Variants in NHEJ1 observed in about 807,000 individuals in gnomAD.
NHEJ1 encodes non-homologous end joining factor 1.
In NHEJ1, 22 loss-of-function variants were observed where a neutral mutation model predicts 39.4. The observed-to-expected ratio is 0.56, with a 90% confidence interval of 0.40 to 0.80. The LOEUF is 0.80. Among genes scored for constraint, NHEJ1 ranks in the 30% least tolerant of loss-of-function variants. The pLI is 0.00. For missense variants in NHEJ1, 329 were observed against 357.1 expected (o/e 0.92, Z 0.63); for synonymous variants, 154 against 135.6 (o/e 1.14, Z -0.94).
At chr2:219,155,011 A>G (rs952486863) in intron 3 of NHEJ1, among the ~76,000 whole-genome samples, 1 of 148,850 alleles carries the variant, frequency 6.7e-6, no homozygotes, top group African/African-American at 2.4e-5. Context: ...TAGATATACT[A>G]TATAATTGTA....
chr2:219,154,344 C>T (rs1396484970), intron 3 of NHEJ1, among the ~76,000 whole-genome samples: 1 of 152,096 alleles, frequency 6.6e-6, no homozygotes, highest in Non-Finnish European at 1.5e-5. Context: ...TTTAAGAATT[C>T]ACAAGAAGCT....
chr2:219,116,830 G>T (rs1191404703), intron 5 of NHEJ1, among the ~76,000 whole-genome samples: 1 of 152,176 alleles, frequency 6.6e-6, no homozygotes, highest in Non-Finnish European at 1.5e-5. Flanking sequence ...AGTTTGATTG[G>T]GAGAGGCATG....
chr2:219,146,851 T>G, intron 4 of NHEJ1, 113 bp from the exon 5 acceptor site: 1 of 811,740 alleles, frequency 1.2e-6, no homozygotes, highest in Non-Finnish European at 2.1e-6. Context: ...AGGTGCATCA[T>G]GCAGAGACAC....
At chr2:219,144,996 C>G (rs763795516) in intron 5 of NHEJ1, among the ~76,000 whole-genome samples, 1 of 152,110 alleles carries the variant, frequency 6.6e-6, no homozygotes, top group Non-Finnish European at 1.5e-5. Flanking sequence ...GGGTGGATCA[C>G]TTGAGGCCAG....
chr2:219,135,171 C>G (rs1007974199), intron 5 of NHEJ1, among the ~76,000 whole-genome samples: 1 of 151,808 alleles, frequency 6.6e-6, no homozygotes, highest in South Asian at 2.1e-4. Context: ...AATTACCATA[C>G]TGTAACAAAT....
In NHEJ1 at chr2:219,157,800, G is replaced by C. The variant is rs1263029856; in HGVS notation, c.178-116C>G. The C allele has an allele frequency of 1.4e-5, 12 of 831,376 alleles. No individual in the cohort carries two copies. In the Admixed American group the frequency reaches 2.5e-4, roughly 17 times the overall value. 51.5% of individuals were successfully genotyped at this position (831,376 alleles called of 1,614,324 possible). A position where few individuals can be genotyped will look rare whatever the true frequency, so the allele number is the denominator to read the frequency against. ...AAGGCAATGGACATGAGAGGAAGGGGAGAGAAGATAAAAACATCACAAGGG... is the reference window on the plus strand; with the variant it reads ...AAGGCAATGGACATGAGAGGAAGGGCAGAGAAGATAAAAACATCACAAGGG... On this transcript the variant is annotated intron_variant, in intron 2 of 7. Coordinates refer to ENST00000356853, the MANE Select transcript of NHEJ1 (RefSeq NM_024782.3).
intron 5 of NHEJ1, among the ~76,000 whole-genome samples, chr2:219,134,092 CTTA>C (rs1298023294): frequency 6.6e-6 from 1 of 152,230 alleles, no homozygotes; most frequent in Admixed American, 6.5e-5. Flanking sequence ...TCTCCATTGC[CTTA>C]TCCATTGATC....
At chr2:219,160,167 A>C (rs1949917445) in intron 1 of NHEJ1, among the ~76,000 whole-genome samples, 1 of 152,110 alleles carries the variant, frequency 6.6e-6, no homozygotes, top group Admixed American at 6.5e-5. Context: ...ATCCCGGCGG[A>C]GGGGTCCCTT....
intron 5 of NHEJ1, among the ~76,000 whole-genome samples, chr2:219,096,817 C>G (rs1949212890): frequency 6.6e-6 from 1 of 152,056 alleles, no homozygotes; most frequent in African/African-American, 2.4e-5. Flanking sequence ...GAGATGAGGT[C>G]AGAAAGATTA....
intron 5 of NHEJ1, among the ~76,000 whole-genome samples, chr2:219,097,165 G>A (rs921141173): frequency 3.9e-5 from 6 of 152,176 alleles, no homozygotes; most frequent in African/African-American, 9.7e-5. Context: ...AAGCTATAAT[G>A]TTCTATAGGT....
At chr2:219,137,503 G>A (rs1186617381) in intron 5 of NHEJ1, among the ~76,000 whole-genome samples, 2 of 130,998 alleles carry the variant, frequency 1.5e-5, no homozygotes, top group African/African-American at 5.6e-5. Context: ...GTCCCCACTT[G>A]AGAATCACAG....
chr2:219,156,645 G>A (rs1949857845), intron 3 of NHEJ1, among the ~76,000 whole-genome samples: 1 of 152,188 alleles, frequency 6.6e-6, no homozygotes, highest in African/African-American at 2.4e-5. Context: ...TTATTCATAA[G>A]CTGATGGCTT....
chr2:219,073,560 G>A lies in NHEJ1; in HGVS notation c.*2821C>T, dbSNP rs1039927789. 1.3e-5 allele frequency among the ~76,000 whole-genome samples: 2 copies of A among 152,248 alleles called. No homozygotes were observed. Among genetic ancestry groups the A allele is most frequent in the Non-Finnish European group, 2.9e-5 (2 of 68,046 alleles). ...ATGGGGGACCAGCCGGCAAGGCCAA[G>A]TAGGCCTTGCAATCTAGGTGGCGCT... On this transcript the variant is annotated 3_prime_UTR_variant, in exon 8 of 8. Transcript: ENST00000356853.
chr2:219,132,412 C>T (rs2030451), intron 5 of NHEJ1, among the ~76,000 whole-genome samples: 76,251 of 152,040 alleles, frequency 0.5, 21,322 homozygotes, highest in Non-Finnish European at 0.63. Context: ...AAACAGAATG[C>T]AGTTGCCATC....
In NHEJ1 at chr2:219,077,115, G is replaced by A. The variant is rs1360362207; in HGVS notation, c.825+131C>T. On this transcript the variant is annotated intron_variant, in intron 7 of 7. Transcript: ENST00000356853. ...TCTCCATCTAGACACCTACAATTTGGAGCCTGGTCACAAATATCCCTCAAT... is the reference window on the plus strand; with the variant it reads ...TCTCCATCTAGACACCTACAATTTGAAGCCTGGTCACAAATATCCCTCAAT... The A allele has an allele frequency of 1.1e-5, 8 of 736,600 alleles. No individual in the cohort carries two copies. In the Admixed American group the frequency reaches 1.4e-4, roughly 13 times the overall value. 45.6% of individuals were successfully genotyped at this position (736,600 alleles called of 1,614,324 possible).
chr2:219,147,482 C>T (rs1247266581), intron 4 of NHEJ1, among the ~76,000 whole-genome samples, 175 bp downstream of exon 4: 1 of 152,110 alleles, frequency 6.6e-6, no homozygotes, highest in African/African-American at 2.4e-5. Context: ...ACTCCGTCTC[C>T]AAAACAAACA....
chr2:219,088,268 C>A (rs1392039476), intron 5 of NHEJ1, among the ~76,000 whole-genome samples: 1 of 152,150 alleles, frequency 6.6e-6, no homozygotes, highest in African/African-American at 2.4e-5. Context: ...TATAGCTTTA[C>A]AATAAAATAT....
intron 5 of NHEJ1, among the ~76,000 whole-genome samples, chr2:219,080,620 TATATGCTA>T (rs1371536181): frequency 1.7e-5 from 2 of 119,122 alleles, no homozygotes; most frequent in East Asian, 5.2e-4. Context: ...TAAGCTTATA[TATATGCTA>T]ATATATATAA....
At chr2:219,153,588 C>G (rs1013921241) in intron 3 of NHEJ1, among the ~76,000 whole-genome samples, 1 of 151,422 alleles carries the variant, frequency 6.6e-6, no homozygotes, top group Non-Finnish European at 1.5e-5. Flanking sequence ...GCCTATAATT[C>G]CAACTCTTTG....
Sources: gnomAD v4.1 joint callset for allele counts (sites outside exome capture counted in the v4.1 genomes callset) on GRCh38, gnomAD v4.1.1 for gene constraint, MANE v1.5 for transcripts, NCBI Gene and HGNC (gene_info 2026-07-23, HGNC 2026-07-21) for gene names.